The following B3GNT4 variants were observed in gnomAD, a reference collection of about 807,000 sequenced individuals.
B3GNT4 encodes UDP-GlcNAc:betaGal beta-1,3-N-acetylglucosaminyltransferase 4.
In B3GNT4, 2 loss-of-function variants were observed where a neutral mutation model predicts 2.7. The ratio of observed to expected loss-of-function variants is 0.73; its 90% CI spans 0.30 to 2.31. B3GNT4 has a LOEUF of 2.31. B3GNT4 is among the 30% of genes most tolerant of loss of function. B3GNT4 has a pLI of 0.12. For synonymous variants in B3GNT4, 280 were observed against 203.4 expected (o/e 1.38, Z -3.20); for missense variants, 708 against 490.9 (o/e 1.44, Z -4.18).
rs1278485734 is a variant in B3GNT4 at position 122,208,014 on chromosome 12, C to T, written c.*626C>T. ...ACAAGTACTAAATCATTTTTGACGA[C>T]GTAAATAAGACTGAAAACAGGTTAA... On this transcript the variant is annotated 3_prime_UTR_variant, in exon 3 of 3. Transcript: ENST00000324189. 6 of 493,276 alleles carry T rather than the reference C, an allele frequency of 1.2e-5. No individual in the cohort carries two copies. Among genetic ancestry groups the T allele is most frequent in the Non-Finnish European group, 2.0e-5 (5 of 253,688 alleles). The allele number at this position is 493,276 out of a possible 1,614,324, so 30.6% of individuals were successfully genotyped here. A position where few individuals can be genotyped will look rare whatever the true frequency, so the allele number is the denominator to read the frequency against.
At chr12:122,204,762 C>T (rs2136071722) in intron 2 of B3GNT4, 78 bp downstream of exon 2, 2 of 1,320,922 alleles carry the variant, frequency 1.5e-6, no homozygotes, top group Non-Finnish European at 1.1e-6. Context: ...TCAGAAAACT[C>T]TGGCCGGTGG....
chr12:122,207,723 C>A lies in B3GNT4; in HGVS notation c.*335C>A, dbSNP rs1156955197. On this transcript the variant is annotated 3_prime_UTR_variant, in exon 3 of 3. Coordinates refer to ENST00000324189, the MANE Select transcript of B3GNT4 (RefSeq NM_030765.4). ...GCAAACAAAATCTTACACTCTTCTCCTTTGGATACAATAGAGAAACGGAAA... is the reference window on the plus strand; with the variant it reads ...GCAAACAAAATCTTACACTCTTCTCATTTGGATACAATAGAGAAACGGAAA... The A allele has an allele frequency of 3.8e-6, 2 of 525,262 alleles. No homozygotes were observed. The highest frequency in any genetic ancestry group is 7.3e-6 in the Non-Finnish European group (2 of 274,044). 32.5% of individuals were successfully genotyped at this position (525,262 alleles called of 1,614,324 possible).
In B3GNT4 at chr12:122,207,206, C is replaced by G. The variant is rs777075013; in HGVS notation, c.955C>G (p.Pro319Ala). The change falls in exon 3 of 3, where the codon CCT becomes GCT. Residue 319 changes from proline (P) to alanine (A), a missense_variant. By Grantham distance (27) the Pro-to-Ala change is conservative (BLOSUM62 -1). Transcript: ENST00000324189. The part of the protein sequence containing the change: ...GMCLRRLGLS[P>A]MHHAGFKTFG... Reference sequence around the variant, plus strand: ...GTGCCTGAGGCGGCTGGGGCTGAGCCCTATGCACCATGCTGGCTTCAAGAC... The same window carrying G: ...GTGCCTGAGGCGGCTGGGGCTGAGCGCTATGCACCATGCTGGCTTCAAGAC... 6.2e-7 allele frequency: 1 copy of G among 1,614,080 alleles called. No homozygotes were observed. The highest frequency in any genetic ancestry group is 1.1e-5 in the South Asian group (1 of 91,066).
In B3GNT4 at chr12:122,206,322, C is replaced by T. The variant is rs765148419; in HGVS notation, c.71C>T (p.Pro24Leu). 5 of 1,557,748 alleles carry T rather than the reference C, an allele frequency of 3.2e-6. No homozygotes were observed. Among genetic ancestry groups the T allele is most frequent in the South Asian group, 1.2e-5 (1 of 82,928 alleles). The change falls in exon 3 of 3, where the codon CCG (proline) becomes CTG (leucine). Residue 24 changes from proline (P) to leucine (L), a missense_variant. Pro to Leu is a moderately conservative substitution (Grantham distance 98). Transcript: ENST00000324189. ...CAGGTGGCTCTCTCCTTGCAGGGAC[C>T]GGCGATGCTCTGCAGGCTGTGCTGG... ...GGRSGLLPKG[P>L]AMLCRLCWLV... is the part of the protein sequence containing the mutation.
chr12:122,208,763 A>G lies in B3GNT4; in HGVS notation c.*1375A>G. On this transcript the variant is annotated 3_prime_UTR_variant, in exon 3 of 3. Transcript: ENST00000324189. ...ATGTTCAGGTCTGGATTTAACTGAC[A>G]CTCTGTCAAAAACAGCATTTTTCTT... The G allele has an allele frequency of 1.4e-6, 1 of 704,934 alleles. No individual in the cohort carries two copies. The highest frequency in any genetic ancestry group is 1.5e-5 in the South Asian group (1 of 66,968). The allele number at this position is 704,934 out of a possible 1,614,324, so 43.7% of individuals were successfully genotyped here. A position where few individuals can be genotyped will look rare whatever the true frequency, so the allele number is the denominator to read the frequency against.
rs1470405142 is a variant in B3GNT4 at position 122,207,335 on chromosome 12, C to G, written c.1084C>G (p.Leu362Val). ...CCTCGAGATGTGGACCATGTGGGCA[C>G]TGGTGACAGATGAGGGGCTCAAGTG... ...SPLEMWTMWALVTDEGLKCAA... is the reference protein window; with the variant it reads ...SPLEMWTMWAVVTDEGLKCAA... The change falls in exon 3 of 3, where the codon CTG (leucine) becomes GTG (valine). Residue 362 changes from leucine (L) to valine (V), a missense_variant. Coordinates refer to ENST00000324189, the MANE Select transcript of B3GNT4 (RefSeq NM_030765.4). 1 of 1,607,186 alleles carries G rather than the reference C, an allele frequency of 6.2e-7. No individual in the cohort carries two copies. Among genetic ancestry groups the G allele is most frequent in the African/African-American group, 1.3e-5 (1 of 74,810 alleles).
At position 122,208,800 on chromosome 12, in the gene B3GNT4, G is replaced by T. The variant is rs776122803; in HGVS notation, c.*1412G>T. The T allele has an allele frequency of 3.1e-6, 2 of 649,908 alleles. No individual in the cohort carries two copies. The highest frequency in any genetic ancestry group is 5.7e-6 in the Non-Finnish European group (2 of 351,894). 40.3% of individuals were successfully genotyped at this position (649,908 alleles called of 1,614,324 possible). A position where few individuals can be genotyped will look rare whatever the true frequency, so the allele number is the denominator to read the frequency against. On this transcript the variant is annotated 3_prime_UTR_variant, in exon 3 of 3. Transcript: ENST00000324189. ...ACAGCATTTTTCTTCAGCTGTCAGC[G>T]GCCAACATCACAATTATTAAATGCA...
chr12:122,206,026 ATGGC>A (rs1953909199), intron 2 of B3GNT4: 3 of 388,368 alleles, frequency 7.7e-6, no homozygotes, highest in Non-Finnish European at 1.4e-5. Flanking sequence ...TCCTGGAAGA[ATGGC>A]TGGGAACGTT....
At chr12:122,204,414 G>A (rs1025296249) in intron 1 of B3GNT4, 108 bp from the exon 2 acceptor site, 2 of 541,126 alleles carry the variant, frequency 3.7e-6, no homozygotes, top group Non-Finnish European at 6.6e-6. Flanking sequence ...GGGCCACCCG[G>A]GCCGCGGCGC....
At position 122,208,076 on chromosome 12, in the gene B3GNT4, C is replaced by A; in HGVS notation, c.*688C>A. 1 of 602,932 alleles carries A rather than the reference C, an allele frequency of 1.7e-6. No homozygotes were observed. The highest frequency in any genetic ancestry group is 3.1e-6 in the Non-Finnish European group (1 of 323,246). The allele number at this position is 602,932 out of a possible 1,614,324, so 37.3% of individuals were successfully genotyped here. The stretch of plus-strand genomic sequence containing the variant: ...ACTTAAGGGCATGACAAAAAGGACT[C>A]CTCTCTCTGACCCAGGTAGGCAAAA... On this transcript the variant is annotated 3_prime_UTR_variant, in exon 3 of 3. Coordinates refer to ENST00000324189, the MANE Select transcript of B3GNT4 (RefSeq NM_030765.4).
intron 1 of B3GNT4, 28 bp from the exon 2 acceptor site, chr12:122,204,494 G>GCCGC (rs1953888591): frequency 1.2e-6 from 1 of 827,084 alleles, no homozygotes; most frequent in Non-Finnish European, 2.0e-6. Context: ...GAATGGCACC[G>GCCGC]CCGCCCGCCC....
Position 122,207,868 on chromosome 12 carries a change from C to A in B3GNT4, c.*480C>A. ...TAATAGGTTTTTCACTCCTTGGCCT[C>A]AGCTGTCCTCACAGGACAGTGGGGG... On this transcript the variant is annotated 3_prime_UTR_variant, in exon 3 of 3. Coordinates refer to ENST00000324189, the MANE Select transcript of B3GNT4 (RefSeq NM_030765.4). The A allele has an allele frequency of 2.2e-6, 1 of 460,602 alleles. No homozygotes were observed. The highest frequency in any genetic ancestry group is 4.3e-6 in the Non-Finnish European group (1 of 231,316). 28.5% of individuals were successfully genotyped at this position (460,602 alleles called of 1,614,324 possible). A position where few individuals can be genotyped will look rare whatever the true frequency, so the allele number is the denominator to read the frequency against.
Position 122,204,892 on chromosome 12 carries a change from G to T in B3GNT4, c.66+208G>T, listed in dbSNP as rs191916118. ...CATCTCTACAAAAAATAAATTAGCC[G>T]GGCCCTGCACGCCTGTAGTCCCAGC... On this transcript the variant is annotated intron_variant, in intron 2 of 2. Coordinates refer to ENST00000324189, the MANE Select transcript of B3GNT4 (RefSeq NM_030765.4). 8.8e-6 allele frequency: 5 copies of T among 567,016 alleles called. No individual in the cohort carries two copies. The East Asian group carries it at 1.6e-4, about 18-fold the overall frequency. The allele number at this position is 567,016 out of a possible 1,614,324, so 35.1% of individuals were successfully genotyped here.
chr12:122,208,663 G>C lies in B3GNT4; in HGVS notation c.*1275G>C, dbSNP rs1025398339. ...ACGTTGGCCTGGGGGTGCTGTGGCT[G>C]TCATCTGAACCCCTCTTGGGGTCAC... On this transcript the variant is annotated 3_prime_UTR_variant, in exon 3 of 3. Transcript: ENST00000324189. 11 of 1,401,520 alleles carry C rather than the reference G, an allele frequency of 7.8e-6. No individual in the cohort carries two copies. In the Admixed American group the frequency reaches 1.7e-4, roughly 22 times the overall value. 86.8% of individuals were successfully genotyped at this position (1,401,520 alleles called of 1,614,324 possible). A position where few individuals can be genotyped will look rare whatever the true frequency, so the allele number is the denominator to read the frequency against.
At position 122,208,164 on chromosome 12, in the gene B3GNT4, A is replaced by C. The variant is rs1158932814; in HGVS notation, c.*776A>C. ...GCTGTACAGAGTGGGGTGAAATGTT[A>C]AACAGGGTGCAGTGCCCAAGGGCTA... On this transcript the variant is annotated 3_prime_UTR_variant, in exon 3 of 3. Transcript: ENST00000324189. The C allele has an allele frequency of 1.4e-5, 10 of 701,742 alleles. No individual in the cohort carries two copies. The highest frequency in any genetic ancestry group is 2.6e-5 in the Non-Finnish European group (10 of 388,634). 43.5% of individuals were successfully genotyped at this position (701,742 alleles called of 1,614,324 possible). A position where few individuals can be genotyped will look rare whatever the true frequency, so the allele number is the denominator to read the frequency against.
Position 122,208,669 on chromosome 12 carries a change from T to A in B3GNT4, c.*1281T>A. On this transcript the variant is annotated 3_prime_UTR_variant, in exon 3 of 3. Transcript: ENST00000324189. ...GCCTGGGGGTGCTGTGGCTGTCATC[T>A]GAACCCCTCTTGGGGTCACTTTCCT... The A allele has an allele frequency of 7.6e-7, 1 of 1,318,596 alleles. No homozygotes were observed. Among genetic ancestry groups the A allele is most frequent in the Non-Finnish European group, 1.1e-6 (1 of 942,754 alleles). The allele number at this position is 1,318,596 out of a possible 1,614,324, so 81.7% of individuals were successfully genotyped here.
In B3GNT4 at chr12:122,208,392, GC is replaced by G. The variant is rs1953984388; in HGVS notation, c.*1005del. 7 of 1,612,252 alleles carry G rather than the reference GC, an allele frequency of 4.3e-6. No individual in the cohort carries two copies. The highest frequency in any genetic ancestry group is 5.9e-6 in the Non-Finnish European group (7 of 1,180,020). On this transcript the variant is annotated 3_prime_UTR_variant, in exon 3 of 3. Coordinates refer to ENST00000324189, the MANE Select transcript of B3GNT4 (RefSeq NM_030765.4). ...GTGTGCTCAGGCCCTCAATCCTCACGCAGGTAGGCCTCCTGCTCCGACTCAG... is the reference window on the plus strand; with the variant it reads ...GTGTGCTCAGGCCCTCAATCCTCACGAGGTAGGCCTCCTGCTCCGACTCAG...
At chr12:122,204,734 C>G in intron 2 of B3GNT4, 50 bp downstream of exon 2, 2 of 1,468,798 alleles carry the variant, frequency 1.4e-6, no homozygotes, top group Non-Finnish European at 1.9e-6. Context: ...CCCACCCCCG[C>G]ATAGATCTCC....
rs1224946474 is a variant in B3GNT4, at chr12:122,207,415, G to C, written c.*27G>C. On this transcript the variant is annotated 3_prime_UTR_variant, in exon 3 of 3. Coordinates refer to ENST00000324189, the MANE Select transcript of B3GNT4 (RefSeq NM_030765.4). ...GGGTGGGTTGGGCAACAGCCTGAGA[G>C]TGGACTCAGTGTTGATTCTCTATCG... 1 of 1,508,254 alleles carries C rather than the reference G, an allele frequency of 6.6e-7. No individual in the cohort carries two copies. Among genetic ancestry groups the C allele is most frequent in the Non-Finnish European group, 8.8e-7 (1 of 1,130,268 alleles). The allele number at this position is 1,508,254 out of a possible 1,614,324, so 93.4% of individuals were successfully genotyped here.
Sources: allele counts gnomAD v4.1 joint callset, GRCh38; gene constraint gnomAD v4.1.1; transcripts MANE v1.5; gene names NCBI Gene and HGNC (gene_info 2026-07-23, HGNC 2026-07-21).